The following ROBO2 variants were observed in gnomAD, a reference collection of about 807,000 sequenced individuals.
ROBO2 encodes the protein roundabout guidance receptor 2, also known as roundabout homolog 2.
In ROBO2, 53 loss-of-function variants were observed where a neutral mutation model predicts 160.8. That is an observed-to-expected ratio of 0.33 (90% CI 0.26 to 0.41). The LOEUF (loss-of-function observed/expected upper bound fraction) is 0.41, where lower values mean the gene tolerates loss of function less well. Ranked by LOEUF, ROBO2 falls within the 10% of genes least tolerant of loss-of-function variation. ROBO2 has a pLI of 1.00. For missense variants in ROBO2, 1,577 were observed against 1,722.4 expected (o/e 0.92, Z 1.49); for synonymous variants, 664 against 611.7 (o/e 1.09, Z -1.26).
intron 2 of ROBO2, among the ~76,000 whole-genome samples, chr3:76,786,414 T>C (rs2062977979): frequency 6.6e-6 from 1 of 151,290 alleles, no homozygotes; most frequent in African/African-American, 2.4e-5. Context: ...CTCAGGAAAC[T>C]TACAGTGATG....
Position 76,428,772 on chromosome 3 carries a change from G to C in ROBO2, c.109+491170G>C, listed in dbSNP as rs556351640. On this transcript the variant is annotated intron_variant, in intron 2 of 26. Coordinates refer to the ROBO2 transcript ENST00000487694. ...AGAACTTTGAGATTAATATTCTTTT[G>C]AGTTGAGCCACGCGAAAGTGATAAC... is the stretch of plus-strand genomic sequence containing the variant. Among the ~76,000 whole-genome samples, 4 of 152,238 alleles carry C rather than the reference G, an allele frequency of 2.6e-5. No individual in the cohort carries two copies. In the East Asian group the frequency reaches 5.8e-4, roughly 22 times the overall value.
intron 13 of ROBO2, among the ~76,000 whole-genome samples, chr3:77,570,028 G>A (rs1057344471): frequency 2.0e-5 from 3 of 151,870 alleles, no homozygotes; most frequent in Admixed American, 6.6e-5. Context: ...ACAGTAGGGG[G>A]TATTATCTGC....
intron 2 of ROBO2, among the ~76,000 whole-genome samples, chr3:76,234,129 A>G (rs1171023176): frequency 2.0e-5 from 3 of 152,280 alleles, no homozygotes; most frequent in East Asian, 3.9e-4. Context: ...AGCTCCATCT[A>G]TGTTGCTGCA....
At chr3:77,626,284 C>T (rs1270917969) in intron 23 of ROBO2, among the ~76,000 whole-genome samples, 1 of 152,054 alleles carries the variant, frequency 6.6e-6, no homozygotes, top group Non-Finnish European at 1.5e-5. Context: ...TTAGATGTGA[C>T]TTTTGTGATT....
intron 2 of ROBO2, among the ~76,000 whole-genome samples, chr3:76,659,764 T>G (rs959665260): frequency 1.3e-5 from 2 of 152,228 alleles, no homozygotes; most frequent in Admixed American, 1.3e-4. Context: ...GCAAAGTAAA[T>G]ACATAAATAA....
At chr3:77,416,716 CAAAAAAAAAAA>C (rs61204363) in intron 2 of ROBO2, among the ~76,000 whole-genome samples, 2 of 90,050 alleles carry the variant, frequency 2.2e-5, no homozygotes, top group African/African-American at 8.4e-5. Flanking sequence ...GATTCCATCT[CAAAAAAAAAAA>C]AAAAAAAAAA....
intron 2 of ROBO2, among the ~76,000 whole-genome samples, chr3:77,034,195 C>G (rs2063490481): frequency 6.6e-6 from 1 of 151,616 alleles, no homozygotes; most frequent in Non-Finnish European, 1.5e-5. Flanking sequence ...AAGTATATGT[C>G]ATATTATTGC....
chr3:77,539,807 G>C (rs975756417), intron 6 of ROBO2, among the ~76,000 whole-genome samples: 2 of 152,152 alleles, frequency 1.3e-5, no homozygotes, highest in Non-Finnish European at 2.9e-5. Context: ...ATGCAAGCAA[G>C]AGCAAGTACC....
chr3:76,126,939 A>G (rs1290802773), intron 2 of ROBO2, among the ~76,000 whole-genome samples: 6 of 152,152 alleles, frequency 3.9e-5, no homozygotes, highest in Non-Finnish European at 8.8e-5. Context: ...TCTGCTTAAT[A>G]TCTTGTTGTG....
chr3:77,434,475 C>G (rs2079091831), intron 2 of ROBO2, among the ~76,000 whole-genome samples: 1 of 152,102 alleles, frequency 6.6e-6, no homozygotes, highest in Admixed American at 6.6e-5. Flanking sequence ...ACAACTTTAT[C>G]ATTACTGAAA....
intron 2 of ROBO2, among the ~76,000 whole-genome samples, chr3:77,342,934 C>T (rs886212604): frequency 1.3e-5 from 2 of 152,298 alleles, no homozygotes; most frequent in African/African-American, 4.8e-5. Flanking sequence ...TCCTCACCGT[C>T]CTGGAGGCCG....
intron 2 of ROBO2, among the ~76,000 whole-genome samples, chr3:76,116,017 T>A (rs1202722792): frequency 6.6e-6 from 1 of 152,166 alleles, no homozygotes; most frequent in Non-Finnish European, 1.5e-5. Flanking sequence ...TATTAACTGG[T>A]TTTAACCAAA....
intron 2 of ROBO2, among the ~76,000 whole-genome samples, chr3:76,064,486 A>G (rs75791734): frequency 1.3e-3 from 204 of 152,180 alleles, no homozygotes; most frequent in African/African-American, 4.6e-3. Context: ...CTCATTAGAG[A>G]ATTATGGTTT....
intron 2 of ROBO2, among the ~76,000 whole-genome samples, chr3:76,499,838 G>GCTTTA (rs762403117): frequency 1.4e-4 from 22 of 151,986 alleles, no homozygotes; most frequent in Non-Finnish European, 2.8e-4. Flanking sequence ...ATTTTACATT[G>GCTTTA]CTTTACAGAC....
intron 2 of ROBO2, among the ~76,000 whole-genome samples, chr3:76,942,966 A>AC (rs1348121501): frequency 1.3e-5 from 2 of 152,182 alleles, no homozygotes; most frequent in Non-Finnish European, 2.9e-5. Flanking sequence ...TAGACTTGTA[A>AC]GATTTATGCG....
intron 2 of ROBO2, among the ~76,000 whole-genome samples, chr3:77,473,660 G>A (rs780753803): frequency 4.0e-4 from 61 of 151,774 alleles, no homozygotes; most frequent in Non-Finnish European, 7.2e-4. Context: ...GTTTCACCGT[G>A]TTAGCCAGAA....
chr3:77,546,805 A>T (rs545706091), intron 7 of ROBO2, among the ~76,000 whole-genome samples: 2 of 152,104 alleles, frequency 1.3e-5, no homozygotes, highest in South Asian at 4.1e-4. Flanking sequence ...GTGGTGTGAT[A>T]GAGTCAGGAC....
intron 2 of ROBO2, among the ~76,000 whole-genome samples, chr3:76,341,848 T>C (rs1367931239): frequency 1.3e-5 from 2 of 152,324 alleles, no homozygotes; most frequent in East Asian, 3.9e-4. Flanking sequence ...CTATATTTTG[T>C]AAGAGTATTT....
intron 2 of ROBO2, among the ~76,000 whole-genome samples, chr3:76,450,185 A>G (rs1308223952): frequency 6.6e-6 from 1 of 152,148 alleles, no homozygotes; most frequent in Non-Finnish European, 1.5e-5. Context: ...AGACTGGATA[A>G]CCAAGCAAAA....
Sources: gnomAD v4.1 joint callset for allele counts (sites outside exome capture counted in the v4.1 genomes callset) on GRCh38, gnomAD v4.1.1 for gene constraint, MANE v1.5 for transcripts, NCBI Gene and HGNC (gene_info 2026-07-23, HGNC 2026-07-21) for gene names.